Variants in ERCC6L2 observed in about 807,000 individuals in gnomAD.
The protein encoded by ERCC6L2 is DNA excision repair protein ERCC-6-like 2.
A neutral mutation model predicts 132.0 loss-of-function variants in ERCC6L2; 77 were observed. The observed-to-expected ratio is 0.58, with a 90% CI of 0.49 to 0.71. The LOEUF is 0.71. Ranked by LOEUF, ERCC6L2 falls within the 30% of genes least tolerant of loss-of-function variation. The probability of loss-of-function intolerance (pLI) is 0.00; values close to 1 mark genes in which losing one functional copy is unlikely to be tolerated. For missense variants in ERCC6L2, 1,542 were observed against 1,837.6 expected (o/e 0.84, Z 2.94); for synonymous variants, 583 against 632.4 (o/e 0.92, Z 1.17).
intron 3 of ERCC6L2, among the ~76,000 whole-genome samples, chr9:95,902,136 C>G (rs1001949533): frequency 1.5e-5 from 2 of 131,300 alleles, no homozygotes; most frequent in African/African-American, 5.6e-5. Flanking sequence ...AAAAACTTTT[C>G]AAGTGTGAAT....
rs1231306325 is a variant in ERCC6L2, at chr9:96,015,029, T to G, written c.*1826T>G. Among the ~76,000 whole-genome samples, 4 of 132,052 alleles carry G rather than the reference T, an allele frequency of 3.0e-5. No individual in the cohort carries two copies. Among genetic ancestry groups the G allele is most frequent in the Admixed American group, 7.6e-5 (1 of 13,134 alleles). The allele number at this position is 132,052 out of a possible 152,430, so 86.6% of individuals were successfully genotyped here. ...ATATATGTACAGTTTTTTTTTTTTT[T>G]TTTTTTTTTTTGAGATTGAGTCTCA... On this transcript the variant is annotated 3_prime_UTR_variant, in exon 19 of 19. Coordinates refer to ENST00000653738, the MANE Select transcript of ERCC6L2 (RefSeq NM_020207.7).
intron 12 of ERCC6L2, among the ~76,000 whole-genome samples, chr9:95,954,521 A>G (rs1044655608): frequency 1.6e-4 from 24 of 152,182 alleles, no homozygotes; most frequent in African/African-American, 5.8e-4. Context: ...ACTTGTCTCC[A>G]CTTGGTGAAA....
intron 2 of ERCC6L2, among the ~76,000 whole-genome samples, chr9:95,887,708 A>G (rs146329679): frequency 6.6e-6 from 1 of 152,204 alleles, no homozygotes; most frequent in African/African-American, 2.4e-5. Context: ...ATTGCTGATA[A>G]TTAAAGGTTT....
intron 3 of ERCC6L2, chr9:95,905,056 C>T (rs1828964739): frequency 6.6e-6 from 1 of 152,138 alleles, no homozygotes; most frequent in Non-Finnish European, 1.5e-5. Context: ...ATCTTGGAAG[C>T]TAAGCAGGGT....
Position 96,006,465 on chromosome 9 carries a change from C to T in ERCC6L2, c.3674+1764C>T, listed in dbSNP as rs185861698. 5.9e-5 allele frequency among the ~76,000 whole-genome samples: 9 copies of T among 152,066 alleles called. No individual in the cohort carries two copies. In the South Asian group the frequency reaches 6.2e-4, roughly 11 times the overall value. On this transcript the variant is annotated intron_variant, in intron 18 of 18. Coordinates refer to ENST00000653738, the MANE Select transcript of ERCC6L2 (RefSeq NM_020207.7). ...TGCTCAGGCCCTGGCGGGAGGTGGCCGGTGCTATGAGTTCGGATGGAAGCA... is the reference window on the plus strand; with the variant it reads ...TGCTCAGGCCCTGGCGGGAGGTGGCTGGTGCTATGAGTTCGGATGGAAGCA...
In ERCC6L2 at chr9:95,894,672, G is replaced by A. The variant is rs143692167; in HGVS notation, c.472-3177G>A. Among the ~76,000 whole-genome samples, 627 of 128,768 alleles carry A rather than the reference G, an allele frequency of 4.9e-3. 2 individuals are homozygous for A. The highest frequency in any genetic ancestry group is 0.017 in the African/African-American group (592 of 34,066). 84.5% of individuals were successfully genotyped at this position (128,768 alleles called of 152,430 possible). A position where few individuals can be genotyped will look rare whatever the true frequency, so the allele number is the denominator to read the frequency against. ...TGCAATGGCGTGATCTTGGCTCACC[G>A]CAACCTCCACCTCCTGGGTTCAAGT... On this transcript the variant is annotated intron_variant, in intron 2 of 18. Transcript: ENST00000653738.
At chr9:95,933,148 G>A (rs1445012843) in intron 11 of ERCC6L2, among the ~76,000 whole-genome samples, 5 of 152,152 alleles carry the variant, frequency 3.3e-5, no homozygotes, top group African/African-American at 1.2e-4. Context: ...CATCTGAGAT[G>A]GCATCATACA....
intron 17 of ERCC6L2, among the ~76,000 whole-genome samples, chr9:95,995,376 G>A (rs1833437404): frequency 6.6e-6 from 1 of 152,138 alleles, no homozygotes; most frequent in Admixed American, 6.5e-5. Flanking sequence ...ATGAAGATAA[G>A]GAACTTTTCT....
At chr9:95,899,653 G>T (rs1412709362) in intron 3 of ERCC6L2, among the ~76,000 whole-genome samples, 2 of 145,038 alleles carry the variant, frequency 1.4e-5, no homozygotes, top group Non-Finnish European at 3.0e-5. Flanking sequence ...CATATGCGAT[G>T]TATCATATCA....
rs1394782382 is a variant in ERCC6L2 at position 96,014,199 on chromosome 9, G to T, written c.*996G>T. ...CCTGGCATCACATGTGCATGCTGTA[G>T]GCAGGACCTGAGCTGCCTCCGCTGC... On this transcript the variant is annotated 3_prime_UTR_variant, in exon 19 of 19. Coordinates refer to ENST00000653738, the MANE Select transcript of ERCC6L2 (RefSeq NM_020207.7). 1.3e-5 allele frequency: 2 copies of T among 152,228 alleles called. No homozygotes were observed. The highest frequency in any genetic ancestry group is 1.3e-4 in the Admixed American group (2 of 15,288). The allele number at this position is 152,228 out of a possible 1,614,324, so 9.4% of individuals were successfully genotyped here. A position where few individuals can be genotyped will look rare whatever the true frequency, so the allele number is the denominator to read the frequency against.
chr9:95,938,570 A>G (rs886469809), intron 11 of ERCC6L2, among the ~76,000 whole-genome samples: 9 of 152,080 alleles, frequency 5.9e-5, no homozygotes, highest in East Asian at 3.8e-4. Flanking sequence ...GTCATTGTGC[A>G]TTGTCCCTCT....
intron 13 of ERCC6L2, among the ~76,000 whole-genome samples, chr9:95,961,589 T>C (rs901703782): frequency 1.3e-5 from 2 of 152,186 alleles, no homozygotes; most frequent in African/African-American, 4.8e-5. Context: ...ATTGTAAATT[T>C]GACTATATTT....
rs145734604 is a variant in ERCC6L2, at chr9:95,883,035, T to G, written c.471+1742T>G. On this transcript the variant is annotated intron_variant, in intron 2 of 18. Transcript: ENST00000653738. ...TTGGATAAACATAGAAATTGACCCT[T>G]CTGGTCCTAAAGCTTTAAACTTGTA... Among the ~76,000 whole-genome samples the G allele has an allele frequency of 1.6e-3, 250 of 152,284 alleles. 3 individuals carry two copies. Among genetic ancestry groups the G allele is most frequent in the African/African-American group, 5.5e-3 (229 of 41,560 alleles).
intron 17 of ERCC6L2, among the ~76,000 whole-genome samples, chr9:95,978,846 G>A (rs1161738687): frequency 6.6e-6 from 1 of 152,128 alleles, no homozygotes; most frequent in Non-Finnish European, 1.5e-5. Flanking sequence ...TTATGGGCAA[G>A]AGTTCAGAAT....
rs1834205224 is a variant in ERCC6L2, at chr9:96,017,427, C to T, written c.*4224C>T. ...AGATTCGCCCTTCCTTCCCAAGTCC[C>T]AGGCTGTGTGGTTCCCAGCCCCAAG... On this transcript the variant is annotated 3_prime_UTR_variant, in exon 19 of 19. Transcript: ENST00000653738. Among the ~76,000 whole-genome samples the T allele has an allele frequency of 6.6e-6, 1 of 152,142 alleles. No individual in the cohort carries two copies. The highest frequency in any genetic ancestry group is 6.5e-5 in the Admixed American group (1 of 15,282).
At chr9:95,988,347 C>T (rs773327294) in intron 17 of ERCC6L2, among the ~76,000 whole-genome samples, 7 of 152,140 alleles carry the variant, frequency 4.6e-5, no homozygotes, top group East Asian at 1.9e-4. Context: ...CTGTTCTCAC[C>T]GCTTTTACAG....
At chr9:95,908,596 T>C (rs1307918171) in intron 4 of ERCC6L2, among the ~76,000 whole-genome samples, 2 of 152,190 alleles carry the variant, frequency 1.3e-5, no homozygotes, top group East Asian at 3.8e-4. Flanking sequence ...ACCATGGTAG[T>C]GAGGTCTGAA....
chr9:95,970,225 G>A (rs1360285482), intron 14 of ERCC6L2, among the ~76,000 whole-genome samples: 3 of 151,996 alleles, frequency 2.0e-5, no homozygotes, highest in Non-Finnish European at 4.4e-5. Flanking sequence ...CATAATTATT[G>A]TATGGGAATG....
rs1829359826 is a variant in ERCC6L2, at chr9:95,911,950, A to G, written c.789-3718A>G. 1.3e-5 allele frequency among the ~76,000 whole-genome samples: 2 copies of G among 152,120 alleles called. 1 individual carries two copies. The highest frequency in any genetic ancestry group is 4.1e-4 in the South Asian group (2 of 4,828). ...TGCTGCAACTTTTCAATTTTTCTTT[A>G]GTTTTCAGCATCATCTATTGATTTC... On this transcript the variant is annotated intron_variant, in intron 4 of 18. Coordinates refer to ENST00000653738, the MANE Select transcript of ERCC6L2 (RefSeq NM_020207.7).
Sources: gnomAD v4.1 joint callset for allele counts (sites outside exome capture counted in the v4.1 genomes callset) on GRCh38, gnomAD v4.1.1 for gene constraint, MANE v1.5 for transcripts, NCBI Gene and HGNC (gene_info 2026-07-23, HGNC 2026-07-21) for gene names.